The following PREX2 variants were observed in gnomAD, a reference collection of about 807,000 sequenced individuals.
PREX2 encodes the protein phosphatidylinositol-3,4,5-trisphosphate dependent Rac exchange factor 2.
A neutral mutation model predicts 203.2 loss-of-function variants in PREX2; 107 were observed. That is an observed-to-expected ratio of 0.53 (90% confidence interval 0.45 to 0.62). PREX2 has a LOEUF of 0.62. PREX2 is among the 20% of genes least tolerant of loss of function. The pLI is 0.00. For missense variants in PREX2, 1,777 were observed against 1,955.9 expected (o/e 0.91, Z 1.72); for synonymous variants, 672 against 663.6 (o/e 1.01, Z -0.19).
At chr8:68,174,194 C>G (rs936060380) in intron 35 of PREX2, among the ~76,000 whole-genome samples, 7 of 152,104 alleles carry the variant, frequency 4.6e-5, no homozygotes, top group Non-Finnish European at 1.0e-4. Context: ...ATTATACTTT[C>G]AAAGCTTTAT....
intron 21 of PREX2, among the ~76,000 whole-genome samples, chr8:68,096,796 C>G (rs1271647152): frequency 3.3e-5 from 5 of 152,116 alleles, no homozygotes; most frequent in Non-Finnish European, 7.4e-5. Context: ...AAAGATAAGA[C>G]TAGTCATGTT....
chr8:68,020,742 G>A (rs1466243274), intron 3 of PREX2, among the ~76,000 whole-genome samples: 1 of 152,162 alleles, frequency 6.6e-6, no homozygotes, highest in Non-Finnish European at 1.5e-5. Context: ...GAATCAAAAG[G>A]ATCAGAATCT....
chr8:68,185,956 C>T (rs1297949102), intron 35 of PREX2, among the ~76,000 whole-genome samples: 2 of 148,362 alleles, frequency 1.3e-5, no homozygotes, highest in Non-Finnish European at 3.0e-5. Flanking sequence ...TTAGTTTTGG[C>T]ATTCATCAAA....
intron 23 of PREX2, among the ~76,000 whole-genome samples, chr8:68,102,372 A>G (rs1211128939): frequency 6.6e-6 from 1 of 152,186 alleles, no homozygotes; most frequent in Non-Finnish European, 1.5e-5. Context: ...TCATCATACC[A>G]TTTGGCCATA....
intron 6 of PREX2, among the ~76,000 whole-genome samples, chr8:68,036,002 T>C (rs1387397625): frequency 6.6e-6 from 1 of 152,172 alleles, no homozygotes; most frequent in African/African-American, 2.4e-5. Context: ...ACTGATGGTT[T>C]GGGTTGCTTA....
At chr8:67,975,890 A>AT (rs1241057653) in intron 1 of PREX2, among the ~76,000 whole-genome samples, 1 of 109,516 alleles carries the variant, frequency 9.1e-6, no homozygotes, top group Non-Finnish European at 2.0e-5. Flanking sequence ...TTTTTTTTGT[A>AT]TTTTTGGTAG....
At chr8:68,227,707 T>C (rs533527944) in intron 39 of PREX2, among the ~76,000 whole-genome samples, 1 of 152,252 alleles carries the variant, frequency 6.6e-6, no homozygotes, top group East Asian at 1.9e-4. Context: ...TAAAGTGAGC[T>C]ATGGACTGGA....
intron 8 of PREX2, among the ~76,000 whole-genome samples, chr8:68,046,750 A>G (rs748730017): frequency 2.6e-4 from 39 of 152,064 alleles, no homozygotes; most frequent in Non-Finnish European, 5.3e-4. Flanking sequence ...TCTTGAATGT[A>G]TATAAGCAGC....
chr8:68,228,434 G>A (rs368972064), intron 39 of PREX2, among the ~76,000 whole-genome samples: 70 of 151,880 alleles, frequency 4.6e-4, no homozygotes, highest in African/African-American at 1.6e-3. Context: ...ACCAGCCTGG[G>A]CAACAAAGCA....
At chr8:67,968,452 A>C (rs914384831) in intron 1 of PREX2, among the ~76,000 whole-genome samples, 2 of 152,184 alleles carry the variant, frequency 1.3e-5, no homozygotes, top group Admixed American at 1.3e-4. Context: ...AGAAAAGGAA[A>C]TAGCTTTATT....
intron 16 of PREX2, 45 bp downstream of exon 16, chr8:68,080,630 A>G (rs1809491391): frequency 6.6e-7 from 1 of 1,515,872 alleles, no homozygotes; most frequent in African/African-American, 1.4e-5. Flanking sequence ...TTGATTAGAC[A>G]CTAGCAGAAG....
chr8:67,978,274 GT>G (rs958018442), intron 1 of PREX2, among the ~76,000 whole-genome samples: 16 of 152,070 alleles, frequency 1.1e-4, no homozygotes, highest in South Asian at 4.2e-4. Flanking sequence ...GAGAAACTGA[GT>G]TTTTTTTCCC....
intron 1 of PREX2, among the ~76,000 whole-genome samples, chr8:67,965,588 G>A (rs1805748120): frequency 6.6e-6 from 1 of 151,912 alleles, no homozygotes; most frequent in South Asian, 2.1e-4. Flanking sequence ...TGCATTCAGT[G>A]GATGTTCTAT....
At chr8:68,127,144 T>C (rs2129613246) in intron 30 of PREX2, among the ~76,000 whole-genome samples, 1 of 152,196 alleles carries the variant, frequency 6.6e-6, no homozygotes, top group Non-Finnish European at 1.5e-5. Context: ...AGAATTTGTG[T>C]AGGCAAACAG....
At chr8:68,035,504 A>G (rs1016855126) in intron 6 of PREX2, among the ~76,000 whole-genome samples, 4 of 152,128 alleles carry the variant, frequency 2.6e-5, no homozygotes, top group African/African-American at 9.7e-5. Context: ...AACAGTTCTT[A>G]ATGATTTTTG....
At chr8:68,086,734 C>G (rs184799607) in intron 18 of PREX2, among the ~76,000 whole-genome samples, 2 of 152,164 alleles carry the variant, frequency 1.3e-5, no homozygotes, top group South Asian at 2.1e-4. Context: ...AGTTTCCCAT[C>G]TCTTCATAAT....
In PREX2 at chr8:68,096,965, A is replaced by C. The variant is rs967671029; in HGVS notation, c.2369-52A>C. ...TAAAGAGACACAAAATTATTTGAGG[A>C]GATTAACAAATCCTTCATGAATTTA... On this transcript the variant is annotated intron_variant, in intron 21 of 39. Coordinates refer to ENST00000288368, the MANE Select transcript of PREX2 (RefSeq NM_024870.4). 9 of 1,433,874 alleles carry C rather than the reference A, an allele frequency of 6.3e-6. No homozygotes were observed. In the African/African-American group the frequency reaches 1.1e-4, roughly 18 times the overall value. The allele number at this position is 1,433,874 out of a possible 1,614,324, so 88.8% of individuals were successfully genotyped here. A position where few individuals can be genotyped will look rare whatever the true frequency, so the allele number is the denominator to read the frequency against.
At chr8:68,165,943 G>A (rs1811752488) in intron 35 of PREX2, among the ~76,000 whole-genome samples, 1 of 152,154 alleles carries the variant, frequency 6.6e-6, no homozygotes, top group Non-Finnish European at 1.5e-5. Flanking sequence ...TTCAAAAATA[G>A]GAAAGTATCT....
chr8:68,076,601 T>TG (rs1480864120), intron 14 of PREX2, among the ~76,000 whole-genome samples: 1 of 151,532 alleles, frequency 6.6e-6, no homozygotes, highest in East Asian at 1.9e-4. Flanking sequence ...GTAACATACC[T>TG]AAGTGCTAAA....
Sources: gnomAD v4.1 joint callset for allele counts (sites outside exome capture counted in the v4.1 genomes callset) on GRCh38, gnomAD v4.1.1 for gene constraint, MANE v1.5 for transcripts, NCBI Gene and HGNC (gene_info 2026-07-23, HGNC 2026-07-21) for gene names.